Variants in STX12 observed in about 807,000 individuals in gnomAD.
The protein encoded by STX12 is syntaxin-12.
Under a neutral mutation model 42.2 loss-of-function variants are expected in STX12, and 17 were observed. The ratio of observed to expected loss-of-function variants is 0.40; its 90% CI spans 0.28 to 0.60. STX12 has a LOEUF of 0.60. STX12 is among the 20% of genes least tolerant of loss of function. STX12 has a pLI of 0.39. For missense variants in STX12, 297 were observed against 330.9 expected, an observed-to-expected ratio of 0.90 and a Z score of 0.79; for synonymous variants, 108 against 116.7, an observed-to-expected ratio of 0.93 and a Z score of 0.48.
At chr1:27,792,274 CTA>C (rs1352173609) in intron 2 of STX12, among the ~76,000 whole-genome samples, 1,104 of 87,994 alleles carry the variant, frequency 0.013, 25 homozygotes, top group Middle Eastern at 0.034. Context: ...ATATATGTAT[CTA>C]TATATATGTA....
chr1:27,822,233 A>G lies in STX12; in HGVS notation c.735A>G (p.Lys245=), dbSNP rs1441383419. The part of the protein sequence containing the change: ...EQLQRAAYYQ[K]KSRKKMCILV... ...TGTTTACATATTTCTTTCCTCAGAA[A>G]AAATCTCGCAAGAAGATGTGTATCC... The change falls in exon 9 of 9, where the codon AAA becomes AAG. Residue 245 remains lysine, a splice_region_variant and synonymous_variant. Coordinates refer to ENST00000373943, the MANE Select transcript of STX12 (RefSeq NM_177424.3). The G allele has an allele frequency of 6.2e-7, 1 of 1,605,566 alleles. No individual in the cohort carries two copies. The highest frequency in any genetic ancestry group is 1.3e-5 in the African/African-American group (1 of 74,788).
intron 1 of STX12, among the ~76,000 whole-genome samples, chr1:27,784,148 C>G (rs1235826547): frequency 1.3e-5 from 2 of 151,914 alleles, no homozygotes; most frequent in African/African-American, 2.4e-5. Context: ...CCATTGCACT[C>G]CAGCCTGGGC....
intron 3 of STX12, among the ~76,000 whole-genome samples, chr1:27,797,206 C>T (rs569007904): frequency 7.9e-5 from 12 of 152,154 alleles, no homozygotes; most frequent in African/African-American, 1.9e-4. Context: ...GGACTACAGA[C>T]GCACACCACC....
intron 1 of STX12, among the ~76,000 whole-genome samples, chr1:27,774,509 G>A (rs193204836): frequency 1.4e-3 from 217 of 151,958 alleles, no homozygotes; most frequent in African/African-American, 3.9e-3. Flanking sequence ...CTTTGCTTTC[G>A]TTTTTAAACT....
intron 3 of STX12, among the ~76,000 whole-genome samples, chr1:27,798,007 G>A (rs1218399782): frequency 2.0e-5 from 3 of 151,820 alleles, no homozygotes; most frequent in Admixed American, 1.3e-4. Flanking sequence ...GTGGTGCTTT[G>A]GTTTTCTGAT....
Position 27,797,593 on chromosome 1 carries a change from C to T in STX12, c.288+3961C>T, listed in dbSNP as rs564214738. Among the ~76,000 whole-genome samples the T allele has an allele frequency of 1.2e-4, 18 of 152,104 alleles. No homozygotes were observed. The South Asian group carries it at 3.5e-3, about 30-fold the overall frequency. On this transcript the variant is annotated intron_variant, in intron 3 of 8. Transcript: ENST00000373943. ...CCTTAGGAGTCACCTGCTTTTATGA[C>T]CTCCCTTTCACCTTTATGATCATGA...
At chr1:27,779,339 T>TTG (rs545559507) in intron 1 of STX12, among the ~76,000 whole-genome samples, 4,377 of 150,388 alleles carry the variant, frequency 0.029, 219 homozygotes, top group African/African-American at 0.1. Context: ...TTTTGTTTTT[T>TTG]TTTGTTTTTT....
At chr1:27,806,829 A>C (rs1330477828) in intron 4 of STX12, among the ~76,000 whole-genome samples, 1 of 152,204 alleles carries the variant, frequency 6.6e-6, no homozygotes, top group African/African-American at 2.4e-5. Flanking sequence ...GAGGCAAGGC[A>C]TGTCTTACAT....
chr1:27,799,955 G>T (rs1194120540), intron 3 of STX12, among the ~76,000 whole-genome samples: 2 of 151,898 alleles, frequency 1.3e-5, no homozygotes, highest in Non-Finnish European at 1.5e-5. Context: ...GTTTCACCAT[G>T]TTGGCCAGGA....
intron 1 of STX12, chr1:27,773,742 G>A (rs1468610542): frequency 3.6e-6 from 1 of 280,844 alleles, no homozygotes; most frequent in African/African-American, 2.2e-5. Context: ...TGAGTGCGTT[G>A]ACTTGGCGCA....
intron 5 of STX12, 140 bp from the exon 6 acceptor site, chr1:27,812,023 C>T (rs1026113401): frequency 1.4e-6 from 1 of 738,952 alleles, no homozygotes; most frequent in East Asian, 2.8e-5. Context: ...GAATGTGGCC[C>T]TCCAAGACTT....
chr1:27,791,809 TG>T (rs2088743193), intron 2 of STX12, among the ~76,000 whole-genome samples: 1 of 150,772 alleles, frequency 6.6e-6, no homozygotes, highest in African/African-American at 2.4e-5. Flanking sequence ...AGCAAGACTC[TG>T]TCTCAAAAAA....
intron 4 of STX12, among the ~76,000 whole-genome samples, chr1:27,806,008 T>C (rs1294383163): frequency 2.6e-5 from 4 of 152,208 alleles, no homozygotes; most frequent in Admixed American, 1.3e-4. Context: ...TATAGCATCA[T>C]GTATTTATCA....
chr1:27,774,520 T>C (rs557763701), intron 1 of STX12, among the ~76,000 whole-genome samples: 1 of 152,286 alleles, frequency 6.6e-6, no homozygotes, highest in African/African-American at 2.4e-5. Flanking sequence ...TTTTTAAACT[T>C]TTAAAAATTT....
intron 2 of STX12, 106 bp downstream of exon 2, chr1:27,789,737 G>A: frequency 1.3e-6 from 1 of 775,876 alleles, no homozygotes; most frequent in Non-Finnish European, 2.2e-6. Context: ...CAGAATGAGA[G>A]GCAGTGGGTC....
At chr1:27,815,598 C>T (rs72478549) in intron 6 of STX12, among the ~76,000 whole-genome samples, 7,571 of 152,224 alleles carry the variant, frequency 0.05, 405 homozygotes, top group East Asian at 0.25. Context: ...TTATTCCCCA[C>T]GTCCACCCCA....
chr1:27,777,362 G>C (rs551585916), intron 1 of STX12, among the ~76,000 whole-genome samples: 2 of 152,316 alleles, frequency 1.3e-5, no homozygotes, highest in African/African-American at 4.8e-5. Context: ...GTTCAAAGAA[G>C]AGCAAGGAGG....
At chr1:27,783,837 A>C (rs1246333388) in intron 1 of STX12, among the ~76,000 whole-genome samples, 1 of 152,130 alleles carries the variant, frequency 6.6e-6, no homozygotes, top group Non-Finnish European at 1.5e-5. Context: ...TTTCTCATTA[A>C]CCAAGTTAGC....
At chr1:27,773,542 C>A in intron 1 of STX12, 117 bp downstream of exon 1, 1 of 911,970 alleles carries the variant, frequency 1.1e-6, no homozygotes, top group Non-Finnish European at 1.7e-6. Flanking sequence ...GGGGCTGTCT[C>A]GGGCTGTCCA....
Sources: gnomAD v4.1 joint callset for allele counts (sites outside exome capture counted in the v4.1 genomes callset) on GRCh38, gnomAD v4.1.1 for gene constraint, MANE v1.5 for transcripts, NCBI Gene and HGNC (gene_info 2026-07-23, HGNC 2026-07-21) for gene names.